Variants in PCDHGA7 observed in about 807,000 individuals in gnomAD.
PCDHGA7 encodes protocadherin gamma-A7.
A neutral mutation model predicts 58.3 loss-of-function variants in PCDHGA7; 44 were observed. That is an observed-to-expected ratio of 0.75 (90% confidence interval 0.59 to 0.97). The LOEUF (loss-of-function observed/expected upper bound fraction) is 0.97, where lower values mean the gene tolerates loss of function less well. Ranked by LOEUF, PCDHGA7 falls within the 50% of genes least tolerant of loss-of-function variation. The probability of loss-of-function intolerance (pLI) is 0.00; values close to 1 mark genes in which losing one functional copy is unlikely to be tolerated. For synonymous variants in PCDHGA7, 516 were observed against 504.2 expected, an observed-to-expected ratio of 1.02 and a Z score of -0.31; for missense variants, 1,266 against 1,188.7, an observed-to-expected ratio of 1.06 and a Z score of -0.96.
At position 141,432,015 on chromosome 5, in the gene PCDHGA7, A is replaced by G. The variant is rs745405194; in HGVS notation, c.2424+46692A>G. 6.2e-7 allele frequency: 1 copy of G among 1,614,196 alleles called. No individual in the cohort carries two copies. Among genetic ancestry groups the G allele is most frequent in the Admixed American group, 1.7e-5 (1 of 60,032 alleles). On this transcript the variant is annotated intron_variant, in intron 1 of 3. Coordinates refer to ENST00000518325, the MANE Select transcript of PCDHGA7 (RefSeq NM_018920.4). The surrounding 1 kb of genome is among the most constrained non-coding windows in gnomAD (Gnocchi z 6.0). ...GATAGGGAACAGGTTCCTAGCTACA[A>G]CATCACAGTGACCGCCACTGACCGG...
At chr5:141,397,324 T>C (rs2093508718) in intron 1 of PCDHGA7, among the ~76,000 whole-genome samples, 1 of 152,148 alleles carries the variant, frequency 6.6e-6, no homozygotes, top group African/African-American at 2.4e-5. Flanking sequence ...TAAAGAAAAA[T>C]TATTTTTATA....
chr5:141,437,945 C>A (rs1204633193), intron 1 of PCDHGA7, among the ~76,000 whole-genome samples: 1 of 152,112 alleles, frequency 6.6e-6, no homozygotes, highest in Non-Finnish European at 1.5e-5. Flanking sequence ...ACCATATTGG[C>A]CAGAATGGTC....
chr5:141,420,004 G>C (rs768411058), intron 1 of PCDHGA7: 4 of 1,614,084 alleles, frequency 2.5e-6, no homozygotes, highest in Non-Finnish European at 3.4e-6. Flanking sequence ...CTCTACGCCT[G>C]CGACAGTCTT....
In PCDHGA7 at chr5:141,491,158, GA is replaced by G; in HGVS notation, c.2425-3648del. On this transcript the variant is annotated intron_variant, in intron 1 of 3. Transcript: ENST00000518325. This position sits in a 1 kb window ranked among gnomAD's most constrained non-coding sequence, Gnocchi z 6.9. ...CCGGGCCTTACTGGAGGATGACTCT[GA>G]CACCCAGCAGGTGGTGGTCCTGGTG... 6.2e-7 allele frequency: 1 copy of G among 1,614,130 alleles called. No homozygotes were observed. The highest frequency in any genetic ancestry group is 8.5e-7 in the Non-Finnish European group (1 of 1,179,972).
intron 1 of PCDHGA7, chr5:141,478,798 T>G: frequency 6.8e-7 from 1 of 1,463,780 alleles, no homozygotes. Flanking sequence ...TCCTCAGCAC[T>G]CTTTTGCTAT....
chr5:141,431,460 A>T lies in PCDHGA7; in HGVS notation c.2424+46137A>T, dbSNP rs761879594. On this transcript the variant is annotated intron_variant, in intron 1 of 3. Transcript: ENST00000518325. This position sits in a 1 kb window ranked among gnomAD's most constrained non-coding sequence, Gnocchi z 4.8. The stretch of plus-strand genomic sequence containing the variant: ...GCGCGCATCCGCGTGATGGTTCTGG[A>T]TGCGAACGACAACGCACCAGCGTTT... The T allele has an allele frequency of 6.2e-7, 1 of 1,613,794 alleles. No individual in the cohort carries two copies. The highest frequency in any genetic ancestry group is 1.7e-5 in the Admixed American group (1 of 60,032).
At chr5:141,488,439 C>G (rs2099675441) in intron 1 of PCDHGA7, among the ~76,000 whole-genome samples, 1 of 152,206 alleles carries the variant, frequency 6.6e-6, no homozygotes, top group African/African-American at 2.4e-5. Context: ...TCTGACCACC[C>G]TCCTGGGTGA....
Position 141,431,354 on chromosome 5 carries a change from G to GCC in PCDHGA7, c.2424+46033_2424+46034dup. The GCC allele has an allele frequency of 6.2e-7, 1 of 1,614,036 alleles. No individual in the cohort carries two copies. Among genetic ancestry groups the GCC allele is most frequent in the African/African-American group, 1.3e-5 (1 of 75,052 alleles). On this transcript the variant is annotated intron_variant, in intron 1 of 3. Transcript: ENST00000518325. This position sits in a 1 kb window ranked among gnomAD's most constrained non-coding sequence, Gnocchi z 4.8. Reference sequence around the variant, plus strand: ...GTACCCCGAATTGGTGCTGAAACGCGCCCTGGACCGCGAAGAAAAGGCTGC... The same window carrying GCC: ...GTACCCCGAATTGGTGCTGAAACGCGCCCCCTGGACCGCGAAGAAAAGGCTGC...
At position 141,473,122 on chromosome 5, in the gene PCDHGA7, T is replaced by C. The variant is rs533113606; in HGVS notation, c.2425-21685T>C. On this transcript the variant is annotated intron_variant, in intron 1 of 3. Coordinates refer to ENST00000518325, the MANE Select transcript of PCDHGA7 (RefSeq NM_018920.4). ...TATTACCACACTTTACTTGGCTCTT[T>C]GGCAAACTATATTATCTCTTCAGAT... Among the ~76,000 whole-genome samples, 3 of 152,362 alleles carry C rather than the reference T, an allele frequency of 2.0e-5. No homozygotes were observed. In the East Asian group the frequency reaches 5.8e-4, roughly 29 times the overall value.
chr5:141,443,947 T>C (rs2098410978), intron 1 of PCDHGA7, among the ~76,000 whole-genome samples: 1 of 152,082 alleles, frequency 6.6e-6, no homozygotes, highest in Non-Finnish European at 1.5e-5. Flanking sequence ...GGTTTCCTTA[T>C]TGGTATGTAT....
In PCDHGA7 at chr5:141,384,518, C is replaced by T. The variant is rs1479729851; in HGVS notation, c.1619C>T (p.Pro540Leu). ...GTGACTGCACATGACAGCGGGGACC[C>T]GCCTCTCAGCAGCAACATGTCACTG... ...LRVTAHDSGD[P>L]PLSSNMSLSL... Residue 540 changes from proline to leucine, a missense_variant, in exon 1 of 4, where the codon CCG (proline) becomes CTG (leucine). Transcript: ENST00000518325. 4.3e-6 allele frequency: 7 copies of T among 1,614,192 alleles called. No individual in the cohort carries two copies. Among genetic ancestry groups the T allele is most frequent in the East Asian group, 4.5e-5 (2 of 44,884 alleles).
At position 141,477,284 on chromosome 5, in the gene PCDHGA7, G is replaced by A. The variant is rs751714522; in HGVS notation, c.2425-17523G>A. 5.0e-6 allele frequency: 8 copies of A among 1,614,150 alleles called. No homozygotes were observed. The South Asian group carries it at 6.6e-5, about 13-fold the overall frequency. ...TGGCGAGAACGGGCTGGTGACCTGC[G>A]AAGTTCCACCGGGTCTCCCTTTCAG... On this transcript the variant is annotated intron_variant, in intron 1 of 3. Transcript: ENST00000518325. This position sits in a 1 kb window ranked among gnomAD's most constrained non-coding sequence, Gnocchi z 4.9.
rs1219045744 is a variant in PCDHGA7 at position 141,476,783 on chromosome 5, G to T, written c.2425-18024G>T. The stretch of plus-strand genomic sequence containing the variant: ...GACGGCGTTGGACGGAGGGACCCCA[G>T]CTCTCTCCGCCAGCCTGCCTATTCA... On this transcript the variant is annotated intron_variant, in intron 1 of 3. Transcript: ENST00000518325. The surrounding 1 kb of genome is among the most constrained non-coding windows in gnomAD (Gnocchi z 7.6). 5 of 1,613,392 alleles carry T rather than the reference G, an allele frequency of 3.1e-6. No homozygotes were observed. The highest frequency in any genetic ancestry group is 2.7e-5 in the African/African-American group (2 of 74,930).
At chr5:141,442,005 C>G (rs1037210381) in intron 1 of PCDHGA7, 1 of 229,014 alleles carries the variant, frequency 4.4e-6, no homozygotes. Flanking sequence ...GCTGACAGCT[C>G]GCACGATGGG....
intron 1 of PCDHGA7, chr5:141,392,605 C>CAA: frequency 1.9e-6 from 1 of 514,610 alleles, no homozygotes; most frequent in Non-Finnish European, 3.4e-6. Context: ...TACTGGAAGA[C>CAA]AAATGCAACC....
intron 1 of PCDHGA7, chr5:141,468,497 C>T (rs1033597673): frequency 2.0e-5 from 3 of 152,074 alleles, no homozygotes; most frequent in Non-Finnish European, 4.4e-5. Context: ...GGAAGATTTT[C>T]ATGTGGACAA....
Position 141,487,203 on chromosome 5 carries a change from G to A in PCDHGA7, c.2425-7604G>A, listed in dbSNP as rs765707343. 6.8e-6 allele frequency: 11 copies of A among 1,613,804 alleles called. No homozygotes were observed. The highest frequency in any genetic ancestry group is 5.3e-5 in the African/African-American group (4 of 74,890). The stretch of plus-strand genomic sequence containing the variant: ...ACTCATCCAGTTGTCCCAGATCTTC[G>A]AGAATCTTCAGCTCCAAGGGAAGGA... On this transcript the variant is annotated intron_variant, in intron 1 of 3. Transcript: ENST00000518325. This position sits in a 1 kb window ranked among gnomAD's most constrained non-coding sequence, Gnocchi z 5.0.
At chr5:141,428,021 C>G (rs1185050109) in intron 1 of PCDHGA7, 1 of 1,605,486 alleles carries the variant, frequency 6.2e-7, no homozygotes, top group Admixed American at 1.7e-5. Flanking sequence ...TGCCACGCGC[C>G]GCAGAGTCCG....
At chr5:141,501,926 C>T (rs1388315216) in intron 2 of PCDHGA7, among the ~76,000 whole-genome samples, 1 of 152,126 alleles carries the variant, frequency 6.6e-6, no homozygotes, top group African/African-American at 2.4e-5. Flanking sequence ...AGCTTTGTTC[C>T]CTCAACACCA....
Sources: gnomAD v4.1 joint callset for allele counts (sites outside exome capture counted in the v4.1 genomes callset) on GRCh38, gnomAD v4.1.1 for gene constraint, Gnocchi (gnomAD v3.1) non-coding constraint, MANE v1.5 for transcripts, NCBI Gene and HGNC (gene_info 2026-07-23, HGNC 2026-07-21) for gene names.